MAGI1: variants seen among roughly 807,000 people sequenced by gnomAD.
MAGI1 encodes the protein membrane associated guanylate kinase, WW and PDZ domain containing 1, also known as membrane-associated guanylate kinase, WW and PDZ domain-containing protein 1.
Under a neutral mutation model 139.9 loss-of-function variants are expected in MAGI1, and 58 were observed. The observed-to-expected ratio is 0.41, with a 90% CI of 0.34 to 0.52. The LOEUF (loss-of-function observed/expected upper bound fraction) is 0.52, where lower values mean the gene tolerates loss of function less well. MAGI1 is among the 20% of genes least tolerant of loss of function. The pLI is 0.12. For missense variants in MAGI1, 1,874 were observed against 1,901.6 expected (o/e 0.99, Z 0.27); for synonymous variants, 812 against 737.9 (o/e 1.10, Z -1.63).
At chr3:65,630,125 T>C (rs1386054761) in intron 1 of MAGI1, among the ~76,000 whole-genome samples, 1 of 152,210 alleles carries the variant, frequency 6.6e-6, no homozygotes, top group Non-Finnish European at 1.5e-5. Context: ...TATAATACAC[T>C]TAAACATTTG....
At chr3:65,808,818 T>C (rs2041038252) in intron 1 of MAGI1, among the ~76,000 whole-genome samples, 1 of 152,158 alleles carries the variant, frequency 6.6e-6, no homozygotes, top group Non-Finnish European at 1.5e-5. Context: ...TATATCTCAT[T>C]TTAAGTAAAA....
At chr3:65,975,855 A>G (rs1195627668) in intron 1 of MAGI1, among the ~76,000 whole-genome samples, 2 of 152,106 alleles carry the variant, frequency 1.3e-5, no homozygotes, top group East Asian at 3.9e-4. Flanking sequence ...ATTCTTCCTT[A>G]TGTAAGATGC....
Position 65,381,064 on chromosome 3 carries a change from G to A in MAGI1, c.2701+813C>T, listed in dbSNP as rs550054989. 2.0e-5 allele frequency among the ~76,000 whole-genome samples: 3 copies of A among 152,192 alleles called. No individual in the cohort carries two copies. The East Asian group carries it at 5.8e-4, about 29-fold the overall frequency. ...CTGATAGAAGACAATCACCTCTGCTGCACTCTGGGTTCTGCCTTAAAGGTT... is the reference window on the plus strand; with the variant it reads ...CTGATAGAAGACAATCACCTCTGCTACACTCTGGGTTCTGCCTTAAAGGTT... On this transcript the variant is annotated intron_variant, in intron 16 of 22. Transcript: ENST00000402939.
intron 1 of MAGI1, among the ~76,000 whole-genome samples, chr3:65,747,177 T>C (rs77491423): frequency 0.016 from 2,428 of 152,332 alleles, 72 homozygotes; most frequent in African/African-American, 0.055. Context: ...AAGCATCATT[T>C]AGGTGTATGA....
chr3:65,489,882 T>C (rs549242070), intron 3 of MAGI1, among the ~76,000 whole-genome samples: 3 of 152,246 alleles, frequency 2.0e-5, no homozygotes, highest in African/African-American at 4.8e-5. Context: ...TATTCCATCA[T>C]GTACACTTAT....
At chr3:66,008,277 A>G (rs2067136900) in intron 1 of MAGI1, among the ~76,000 whole-genome samples, 1 of 152,182 alleles carries the variant, frequency 6.6e-6, no homozygotes, top group African/African-American at 2.4e-5. Context: ...GAGATGCCCA[A>G]CCTGGGCCTA....
chr3:65,897,549 T>G (rs774836092), intron 1 of MAGI1, among the ~76,000 whole-genome samples: 2 of 152,014 alleles, frequency 1.3e-5, no homozygotes, highest in Non-Finnish European at 2.9e-5. Context: ...CAAACCAACA[T>G]GGCACATGTA....
At chr3:65,715,722 G>C (rs146591732) in intron 1 of MAGI1, among the ~76,000 whole-genome samples, 194 of 152,272 alleles carry the variant, frequency 1.3e-3, no homozygotes, top group African/African-American at 4.5e-3. Context: ...CCATGCTGTG[G>C]AATTATTTCA....
chr3:65,408,932 C>T (rs879835802), intron 12 of MAGI1, among the ~76,000 whole-genome samples: 3 of 152,166 alleles, frequency 2.0e-5, no homozygotes, highest in Admixed American at 6.5e-5. Context: ...TGTGGGGAGA[C>T]AGAATAAACA....
Position 65,391,332 on chromosome 3 carries a change from C to A in MAGI1, c.2226G>T (p.Gln742His). ...KSQPLERKDS[Q>H]NSSQHSVSSH... is the part of the protein sequence containing the mutation. ...TGGAAACACTGTGCTGAGAACTATTCTGGCTGTCTTTCCTTTCCAGTGGTT... is the reference window on the plus strand; with the variant it reads ...TGGAAACACTGTGCTGAGAACTATTATGGCTGTCTTTCCTTTCCAGTGGTT... The change falls in exon 14 of 23, where the codon CAG (glutamine) becomes CAT (histidine). Residue 742 changes from glutamine (Q) to histidine (H), a missense_variant. Physicochemically the swap from Gln to His is conservative, Grantham distance 24. Coordinates refer to ENST00000402939, the MANE Select transcript of MAGI1 (RefSeq NM_001033057.2). 17 of 1,614,194 alleles carry A rather than the reference C, an allele frequency of 1.1e-5. No homozygotes were observed. The highest frequency in any genetic ancestry group is 1.4e-5 in the Non-Finnish European group (16 of 1,180,032).
intron 1 of MAGI1, among the ~76,000 whole-genome samples, chr3:65,711,390 G>A (rs2031392808): frequency 6.6e-6 from 1 of 152,038 alleles, no homozygotes; most frequent in East Asian, 1.9e-4. Context: ...AATGTAAAAA[G>A]GTTTTAGATA....
At chr3:65,642,375 T>C (rs569471559) in intron 1 of MAGI1, among the ~76,000 whole-genome samples, 2 of 152,306 alleles carry the variant, frequency 1.3e-5, no homozygotes, top group African/African-American at 2.4e-5. Context: ...AAACATGCTA[T>C]GACCATCAAA....
At chr3:65,593,402 G>T (rs963776169) in intron 2 of MAGI1, among the ~76,000 whole-genome samples, 2 of 147,394 alleles carry the variant, frequency 1.4e-5, no homozygotes, top group African/African-American at 2.4e-5. Flanking sequence ...TGTGAAGGAT[G>T]GGGGGGAAAG....
intron 3 of MAGI1, among the ~76,000 whole-genome samples, chr3:65,490,429 G>C (rs1951922365): frequency 6.6e-6 from 1 of 152,160 alleles, no homozygotes; most frequent in African/African-American, 2.4e-5. Context: ...AAAGACAGTG[G>C]AAGTTCTCTA....
At chr3:65,358,091 G>A (rs971681186) in intron 22 of MAGI1, among the ~76,000 whole-genome samples, 9 of 152,090 alleles carry the variant, frequency 5.9e-5, no homozygotes, top group Non-Finnish European at 1.0e-4. Context: ...TGGAGTCACT[G>A]GGCTGCTTCC....
At chr3:65,717,668 A>G (rs974989437) in intron 1 of MAGI1, 2 of 152,238 alleles carry the variant, frequency 1.3e-5, no homozygotes, top group African/African-American at 4.8e-5. Flanking sequence ...TGCAATATCT[A>G]GACATTCCCC....
chr3:65,359,358 A>C (rs1940547458), intron 22 of MAGI1: 2 of 1,361,942 alleles, frequency 1.5e-6, no homozygotes, highest in Non-Finnish European at 1.9e-6. Flanking sequence ...CAATCGGAAC[A>C]GTGACATTTT....
Position 65,415,008 on chromosome 3 carries a change from AAAAAAAAAAAAC to A in MAGI1, c.2168-13550_2168-13539del, listed in dbSNP as rs1418440876. On this transcript the variant is annotated intron_variant, in intron 12 of 22. Coordinates refer to ENST00000402939, the MANE Select transcript of MAGI1 (RefSeq NM_001033057.2). ...CATGCCATTGCACTCCAGCCTGGGA[AAAAAAAAAAAAC>A]AAAAAAAAAAAAAACAGAAGAAGAA... 3.6e-3 allele frequency among the ~76,000 whole-genome samples: 239 copies of A among 66,068 alleles called. 1 individual carries two copies. The highest frequency in any genetic ancestry group is 9.0e-3 in the African/African-American group (229 of 25,428). 43.3% of individuals were successfully genotyped at this position (66,068 alleles called of 152,430 possible).
At chr3:65,946,122 G>C (rs1037210152) in intron 1 of MAGI1, among the ~76,000 whole-genome samples, 1 of 152,210 alleles carries the variant, frequency 6.6e-6, no homozygotes, top group African/African-American at 2.4e-5. Flanking sequence ...CTGGAAGGGG[G>C]TGGCCACCGA....
Sources: allele counts gnomAD v4.1 joint callset (sites outside exome capture counted in the v4.1 genomes callset), GRCh38; gene constraint gnomAD v4.1.1; transcripts MANE v1.5; gene names NCBI Gene and HGNC (gene_info 2026-07-23, HGNC 2026-07-21).